Variants in PCDHGB4 observed in about 807,000 individuals in gnomAD.
PCDHGB4 encodes the protein protocadherin gamma-B4.
PCDHGB4 carries 38 observed loss-of-function variants against 60.5 expected under a neutral mutation model. That is an observed-to-expected ratio of 0.63 (90% CI 0.48 to 0.82). The LOEUF (loss-of-function observed/expected upper bound fraction) is 0.82. PCDHGB4 is among the 40% of genes least tolerant of loss of function. PCDHGB4 has a pLI of 0.00. For synonymous variants in PCDHGB4, 456 were observed against 509.7 expected, an observed-to-expected ratio of 0.89 and a Z score of 1.42; for missense variants, 1,109 against 1,209.6, an observed-to-expected ratio of 0.92 and a Z score of 1.23.
In PCDHGB4 at chr5:141,431,377, T is replaced by A; in HGVS notation, c.2397+41096T>A. 1 of 1,613,426 alleles carries A rather than the reference T, an allele frequency of 6.2e-7. No individual in the cohort carries two copies. Among genetic ancestry groups the A allele is most frequent in the Non-Finnish European group, 8.5e-7 (1 of 1,179,558 alleles). ...GCGCCCTGGACCGCGAAGAAAAGGC[T>A]GCTCACCACCTGGTCCTTACGGCCT... is the stretch of plus-strand genomic sequence containing the variant. On this transcript the variant is annotated intron_variant, in intron 1 of 3. Coordinates refer to ENST00000519479, the MANE Select transcript of PCDHGB4 (RefSeq NM_003736.4). This position sits in a 1 kb window ranked among gnomAD's most constrained non-coding sequence, Gnocchi z 4.8.
At chr5:141,510,818 A>C in intron 3 of PCDHGB4, 129 bp from the exon 4 acceptor site, 1 of 1,551,540 alleles carries the variant, frequency 6.4e-7, no homozygotes, top group Non-Finnish European at 8.7e-7. Context: ...TGACCCCTAT[A>C]TTCCCAGTGC....
intron 1 of PCDHGB4, among the ~76,000 whole-genome samples, chr5:141,482,326 G>T (rs982211258): frequency 6.6e-6 from 1 of 152,072 alleles, no homozygotes. Context: ...AAAATAAAGA[G>T]AATATCTACT....
chr5:141,480,914 G>A (rs959577133), intron 1 of PCDHGB4, among the ~76,000 whole-genome samples: 18 of 151,978 alleles, frequency 1.2e-4, no homozygotes, highest in South Asian at 4.2e-4. Flanking sequence ...GCATGGTGGC[G>A]CATACCTGTA....
chr5:141,421,243 C>T (rs201273667), intron 1 of PCDHGB4: 12 of 1,601,540 alleles, frequency 7.5e-6, no homozygotes, highest in Non-Finnish European at 1.0e-5. Flanking sequence ...GAATCGGCTA[C>T]AGCGCGGGGA....
At chr5:141,419,093 C>T (rs1191453038) in intron 1 of PCDHGB4, 4 of 1,613,916 alleles carry the variant, frequency 2.5e-6, no homozygotes, top group South Asian at 1.1e-5. Flanking sequence ...GGCCCTGGAT[C>T]GGGAGCAGAC....
chr5:141,393,573 A>G lies in PCDHGB4; in HGVS notation c.2397+3292A>G, dbSNP rs568065764. 1.2e-4 allele frequency: 190 copies of G among 1,613,964 alleles called. 1 individual carries two copies. In the South Asian group the frequency reaches 2.0e-3, roughly 17 times the overall value. ...GATTTACCGAGTGAAAGTCCTTGAGAACATGCCCCCAGGCACGCGGCTGCT... is the reference window on the plus strand; with the variant it reads ...GATTTACCGAGTGAAAGTCCTTGAGGACATGCCCCCAGGCACGCGGCTGCT... On this transcript the variant is annotated intron_variant, in intron 1 of 3. Coordinates refer to ENST00000519479, the MANE Select transcript of PCDHGB4 (RefSeq NM_003736.4).
At chr5:141,427,770 C>T (rs775095791) in intron 1 of PCDHGB4, 2 of 1,399,194 alleles carry the variant, frequency 1.4e-6, no homozygotes, top group Non-Finnish European at 2.0e-6. Context: ...TGACTTGGAG[C>T]TGCGGGCACT....
Position 141,415,348 on chromosome 5 carries a change from A to G in PCDHGB4, c.2397+25067A>G, listed in dbSNP as rs561851810. ...GGCGCACAGGCTGCGGCGCTGGCAC[A>G]AGTCACGCCTGCTGCAGGCTTCAGG... On this transcript the variant is annotated intron_variant, in intron 1 of 3. Transcript: ENST00000519479. The G allele has an allele frequency of 3.1e-6, 5 of 1,614,222 alleles. 1 individual carries two copies. The highest frequency in any genetic ancestry group is 1.6e-4 in the Middle Eastern group (1 of 6,062).
chr5:141,453,609 G>A (rs1208329212), intron 1 of PCDHGB4, among the ~76,000 whole-genome samples: 3 of 151,900 alleles, frequency 2.0e-5, no homozygotes, highest in South Asian at 4.2e-4. Context: ...TTTGCAAAAC[G>A]CAAAAACAAA....
chr5:141,404,648 G>C (rs1178706213), intron 1 of PCDHGB4: 1 of 1,614,148 alleles, frequency 6.2e-7, no homozygotes, highest in African/African-American at 1.3e-5. Flanking sequence ...CCTGTACCCT[G>C]CCCTCCCCAC....
intron 1 of PCDHGB4, chr5:141,408,154 A>T: frequency 6.6e-7 from 1 of 1,510,630 alleles, no homozygotes; most frequent in Non-Finnish European, 8.9e-7. Context: ...GGTAGAGTGC[A>T]CTTTCTCCAA....
chr5:141,405,527 C>T (rs1055420196), intron 1 of PCDHGB4: 7 of 670,510 alleles, frequency 1.0e-5, no homozygotes, highest in Non-Finnish European at 1.8e-5. Flanking sequence ...TCAAGCGATT[C>T]TCCTGCCTCA....
chr5:141,398,241 C>G, intron 1 of PCDHGB4: 1 of 1,474,150 alleles, frequency 6.8e-7, no homozygotes, highest in South Asian at 1.2e-5. Context: ...ACAGGATTCC[C>G]GAGGAAATGC....
chr5:141,408,656 C>G (rs1367377855), intron 1 of PCDHGB4: 1 of 1,614,030 alleles, frequency 6.2e-7, no homozygotes, highest in South Asian at 1.1e-5. Flanking sequence ...TGGTACACGA[C>G]TATCGCTTGA....
intron 1 of PCDHGB4, chr5:141,492,033 C>A: frequency 1.8e-6 from 1 of 548,342 alleles, no homozygotes; most frequent in Non-Finnish European, 3.1e-6. Flanking sequence ...CGGGAGGAGG[C>A]AGTCACAGAT....
At chr5:141,460,438 T>A (rs1035541143) in intron 1 of PCDHGB4, among the ~76,000 whole-genome samples, 16 of 152,172 alleles carry the variant, frequency 1.1e-4, no homozygotes, top group African/African-American at 3.1e-4. Flanking sequence ...TGGTGTGAGG[T>A]AACAATGAAG....
At chr5:141,436,173 A>T (rs556225963) in intron 1 of PCDHGB4, among the ~76,000 whole-genome samples, 1 of 152,302 alleles carries the variant, frequency 6.6e-6, no homozygotes, top group East Asian at 1.9e-4. Context: ...GACAGTTCTC[A>T]TATATAGTCA....
At chr5:141,392,956 T>A (rs769377200) in intron 1 of PCDHGB4, 3 of 1,613,820 alleles carry the variant, frequency 1.9e-6, no homozygotes, top group South Asian at 1.1e-5. Context: ...GTGGGTAATA[T>A]CTCCAAGGAC....
At chr5:141,452,412 T>G (rs1009940351) in intron 1 of PCDHGB4, among the ~76,000 whole-genome samples, 2 of 152,222 alleles carry the variant, frequency 1.3e-5, no homozygotes, top group Non-Finnish European at 2.9e-5. Context: ...GTGTGAGGTA[T>G]GCTCACTGCT....
Sources: gnomAD v4.1 joint callset for allele counts (sites outside exome capture counted in the v4.1 genomes callset) on GRCh38, gnomAD v4.1.1 for gene constraint, Gnocchi (gnomAD v3.1) non-coding constraint, MANE v1.5 for transcripts, NCBI Gene and HGNC (gene_info 2026-07-23, HGNC 2026-07-21) for gene names.